The following NBAS variants were observed in gnomAD, a reference collection of about 807,000 sequenced individuals.
NBAS encodes the protein NBAS subunit of NRZ tethering complex, also known as NAG/BC035112 fusion.
NBAS carries 219 observed loss-of-function variants against 302.5 expected under a neutral mutation model. That is an observed-to-expected ratio of 0.72 (90% CI 0.65 to 0.81). The LOEUF is 0.81. NBAS is among the 30% of genes least tolerant of loss of function. The probability of loss-of-function intolerance (pLI) is 0.00; values close to 1 mark genes in which losing one functional copy is unlikely to be tolerated. For missense variants in NBAS, 2,932 were observed against 2,841.6 expected (o/e 1.03, Z -0.72); for synonymous variants, 1,118 against 1,021.6 (o/e 1.09, Z -1.80).
chr2:15,524,283 C>A (rs1457260121), intron 9 of NBAS, among the ~76,000 whole-genome samples: 1 of 152,204 alleles, frequency 6.6e-6, no homozygotes, highest in Non-Finnish European at 1.5e-5. Flanking sequence ...AATGGAGTGA[C>A]TTCCTGGCTG....
intron 21 of NBAS, among the ~76,000 whole-genome samples, chr2:15,451,661 TTCATA>T (rs1679017483): frequency 6.6e-6 from 1 of 152,154 alleles, no homozygotes; most frequent in African/African-American, 2.4e-5. Context: ...ATGTTTTGTT[TTCATA>T]TCATAAGTTT....
rs114874600 is a variant in NBAS at position 15,345,849 on chromosome 2, C to T, written c.4179+6143G>A. On this transcript the variant is annotated intron_variant, in intron 35 of 51. Coordinates refer to ENST00000281513, the MANE Select transcript of NBAS (RefSeq NM_015909.4). The stretch of plus-strand genomic sequence containing the variant: ...CAGAACAGAGACCTCACAAATACCA[C>T]CATGCATCTACAACCATCTGATCTT... Among the ~76,000 whole-genome samples, 382 of 152,250 alleles carry T rather than the reference C, an allele frequency of 2.5e-3. 2 individuals are homozygous for T. The highest frequency in any genetic ancestry group is 8.7e-3 in the African/African-American group (360 of 41,530).
intron 48 of NBAS, among the ~76,000 whole-genome samples, chr2:15,194,417 GA>G (rs1339867421): frequency 6.6e-6 from 1 of 152,006 alleles, no homozygotes; most frequent in Non-Finnish European, 1.5e-5. Flanking sequence ...AATGCTGAAA[GA>G]AAAGAACGGT....
the NBAS span, among the ~76,000 whole-genome samples, chr2:15,156,975 AC>A: frequency 6.6e-6 from 1 of 151,110 alleles, no homozygotes; most frequent in Non-Finnish European, 1.5e-5. Context: ...CCTTTGACCC[AC>A]CCCCCTCTCA....
At chr2:15,171,219 G>T (rs914651291) in intron 51 of NBAS, among the ~76,000 whole-genome samples, 1 of 152,106 alleles carries the variant, frequency 6.6e-6, no homozygotes, top group Non-Finnish European at 1.5e-5. Flanking sequence ...TGGCCAAGCT[G>T]ATTCCTCCTT....
chr2:15,453,435 G>C (rs1252504259), intron 21 of NBAS, among the ~76,000 whole-genome samples: 1 of 152,130 alleles, frequency 6.6e-6, no homozygotes, highest in Non-Finnish European at 1.5e-5. Flanking sequence ...TGGGGACTAG[G>C]TATATACTGA....
At chr2:15,388,330 T>C (rs10166702) in intron 28 of NBAS, among the ~76,000 whole-genome samples, 94,007 of 151,832 alleles carry the variant, frequency 0.62, 29,903 homozygotes, top group Middle Eastern at 0.69. Flanking sequence ...TCTTAGGTAT[T>C]TAATGTGTTG....
chr2:14,955,412 G>C, the NBAS span, among the ~76,000 whole-genome samples: 1 of 152,232 alleles, frequency 6.6e-6, no homozygotes, highest in African/African-American at 2.4e-5. Context: ...CTGGGGTCTG[G>C]AGGATGGTGG....
the NBAS span, among the ~76,000 whole-genome samples, chr2:14,808,206 C>T: frequency 1.3e-5 from 2 of 152,178 alleles, no homozygotes; most frequent in South Asian, 4.1e-4. Context: ...AAACTAAATT[C>T]AGAGAAGTAA....
At chr2:15,128,165 AG>A in the NBAS span, among the ~76,000 whole-genome samples, 108 of 152,336 alleles carry the variant, frequency 7.1e-4, no homozygotes, top group South Asian at 0.022. Context: ...ATAAAAAAAA[AG>A]CACAACAAGC....
At chr2:15,175,107 C>T (rs562095490) in intron 51 of NBAS, among the ~76,000 whole-genome samples, 1 of 152,282 alleles carries the variant, frequency 6.6e-6, no homozygotes, top group East Asian at 1.9e-4. Context: ...GCTGGGACTA[C>T]AGGCACCCAC....
intron 47 of NBAS, among the ~76,000 whole-genome samples, chr2:15,220,688 T>C (rs548193558): frequency 3.9e-5 from 6 of 152,336 alleles, no homozygotes; most frequent in South Asian, 2.1e-4. Flanking sequence ...GGGTTATCCA[T>C]ACAGGAGACT....
At chr2:15,054,179 T>C in the NBAS span, among the ~76,000 whole-genome samples, 75,137 of 152,064 alleles carry the variant, frequency 0.49, 20,867 homozygotes, top group African/African-American at 0.77. Context: ...ACACACTCTC[T>C]TTCCATCATT....
At chr2:15,226,818 T>G (rs1667169348) in intron 47 of NBAS, among the ~76,000 whole-genome samples, 2 of 152,172 alleles carry the variant, frequency 1.3e-5, no homozygotes, top group South Asian at 4.1e-4. Context: ...TGTGGAGTCG[T>G]CAGGATTTTC....
chr2:15,366,100 C>A (rs1313845889), intron 32 of NBAS, among the ~76,000 whole-genome samples: 1 of 152,114 alleles, frequency 6.6e-6, no homozygotes, highest in Admixed American at 6.5e-5. Flanking sequence ...TACATGAAAA[C>A]CCCACCAAAT....
chr2:15,061,989 G>A, the NBAS span, among the ~76,000 whole-genome samples: 1 of 152,198 alleles, frequency 6.6e-6, no homozygotes, highest in African/African-American at 2.4e-5. Context: ...GCCCTTCCAA[G>A]ATGTGCAGCC....
intron 51 of NBAS, among the ~76,000 whole-genome samples, chr2:15,167,570 G>T (rs1238606684): frequency 6.6e-6 from 1 of 152,216 alleles, no homozygotes; most frequent in Non-Finnish European, 1.5e-5. Flanking sequence ...GATACTGGGT[G>T]CCAGAAACTA....
chr2:14,850,040 C>T, the NBAS span, among the ~76,000 whole-genome samples: 1 of 138,080 alleles, frequency 7.2e-6, no homozygotes, highest in Non-Finnish European at 1.5e-5. Context: ...AAATAACCAG[C>T]TAACATCATA....
chr2:15,257,024 A>G (rs1026847412), intron 44 of NBAS, among the ~76,000 whole-genome samples: 1 of 151,926 alleles, frequency 6.6e-6, no homozygotes, highest in African/African-American at 2.4e-5. Context: ...TTTTTGTTAC[A>G]TCTTTCCTGG....
Sources: allele counts gnomAD v4.1 joint callset (sites outside exome capture counted in the v4.1 genomes callset), GRCh38; gene constraint gnomAD v4.1.1; transcripts MANE v1.5; gene names NCBI Gene and HGNC (gene_info 2026-07-23, HGNC 2026-07-21).